Variants in PPFIBP2 observed in about 807,000 individuals in gnomAD.
PPFIBP2 encodes liprin-beta-2.
In PPFIBP2, 118 loss-of-function variants were observed where a neutral mutation model predicts 118.3. The ratio of observed to expected loss-of-function variants is 1.00; its 90% CI spans 0.86 to 1.16. The LOEUF (loss-of-function observed/expected upper bound fraction) is 1.16, where lower values mean the gene tolerates loss of function less well. Among genes scored for constraint, PPFIBP2 ranks in the 50% most tolerant of loss-of-function variants. The pLI, the probability that PPFIBP2 is intolerant of heterozygous loss-of-function variation, is 0.00. For synonymous variants in PPFIBP2, 414 were observed against 397.4 expected, an observed-to-expected ratio of 1.04 and a Z score of -0.50; for missense variants, 1,195 against 1,073.1, an observed-to-expected ratio of 1.11 and a Z score of -1.59.
chr11:7,557,412 G>A (rs7126276), intron 2 of PPFIBP2, among the ~76,000 whole-genome samples: 77,893 of 150,826 alleles, frequency 0.52, 21,862 homozygotes, highest in African/African-American at 0.75. Context: ...ATTTAGTTAC[G>A]TGTTTAAGCA....
rs1034469057 is a variant in PPFIBP2 at position 7,640,573 on chromosome 11, A to T, written c.1375+703A>T. Among the ~76,000 whole-genome samples, 3 of 152,190 alleles carry T rather than the reference A, an allele frequency of 2.0e-5. No individual in the cohort carries two copies. In the South Asian group the frequency reaches 6.2e-4, roughly 32 times the overall value. On this transcript the variant is annotated intron_variant, in intron 15 of 23. Coordinates refer to ENST00000299492, the MANE Select transcript of PPFIBP2 (RefSeq NM_003621.5). ...CCTCAGCTCTTCCCTGAGCTGGCCCATGCATTGGCCTAGTGAAGGCCAGCT... is the reference window on the plus strand; with the variant it reads ...CCTCAGCTCTTCCCTGAGCTGGCCCTTGCATTGGCCTAGTGAAGGCCAGCT...
chr11:7,585,656 C>T (rs563970590), intron 3 of PPFIBP2, among the ~76,000 whole-genome samples: 170 of 152,342 alleles, frequency 1.1e-3, no homozygotes, highest in Non-Finnish European at 2.1e-3. Context: ...TGGCATCAAG[C>T]ACTCACCCTG....
intron 2 of PPFIBP2, among the ~76,000 whole-genome samples, chr11:7,563,695 G>A (rs538702963): frequency 3.7e-4 from 56 of 152,278 alleles, no homozygotes; most frequent in Middle Eastern, 3.4e-3. Context: ...TATAAATAAT[G>A]CAAATGCCCT....
At position 7,649,153 on chromosome 11, in the gene PPFIBP2, TTGA is replaced by T; in HGVS notation, c.1921_1923del (p.Asp641del). ...GGGGTTTTTGTATTTGTAGGGTGGC[TTGA>T]TGATATTGGCTTACCCCAGTACAAA... On this transcript the variant is annotated inframe_deletion, in exon 20 of 24. Coordinates refer to ENST00000299492, the MANE Select transcript of PPFIBP2 (RefSeq NM_003621.5). 3.1e-6 allele frequency: 5 copies of T among 1,613,930 alleles called. No homozygotes were observed. Among genetic ancestry groups the T allele is most frequent in the East Asian group, 2.2e-5 (1 of 44,882 alleles).
intron 2 of PPFIBP2, among the ~76,000 whole-genome samples, chr11:7,550,898 C>T (rs1212896790): frequency 1.3e-5 from 2 of 152,132 alleles, no homozygotes; most frequent in East Asian, 1.9e-4. Context: ...ATGCTTCCTG[C>T]CCCCAAACAT....
At chr11:7,572,763 A>G (rs1855789792) in intron 3 of PPFIBP2, among the ~76,000 whole-genome samples, 1 of 151,840 alleles carries the variant, frequency 6.6e-6, no homozygotes, top group South Asian at 2.1e-4. Context: ...TGTTTCGAAG[A>G]ATGTTTTGTT....
At chr11:7,640,621 C>G (rs938360981) in intron 15 of PPFIBP2, among the ~76,000 whole-genome samples, 1 of 152,214 alleles carries the variant, frequency 6.6e-6, no homozygotes, top group African/African-American at 2.4e-5. Flanking sequence ...GCAGGAACTT[C>G]AGATAAACCC....
At chr11:7,612,650 C>T (rs1404978106) in intron 6 of PPFIBP2, among the ~76,000 whole-genome samples, 3 of 152,158 alleles carry the variant, frequency 2.0e-5, no homozygotes, top group Non-Finnish European at 4.4e-5. Context: ...CATAAGGCGA[C>T]GTAGACCCTG....
At chr11:7,663,072 A>G in the PPFIBP2 span, among the ~76,000 whole-genome samples, 1 of 131,644 alleles carries the variant, frequency 7.6e-6, no homozygotes, top group African/African-American at 2.5e-5. Flanking sequence ...AAAGTTTTCA[A>G]CTTCTTTGCC....
At position 7,549,494 on chromosome 11, in the gene PPFIBP2, C is replaced by A; in HGVS notation, c.19C>A (p.His7Asn). Residue 7 changes from histidine (H) to asparagine (N), a missense_variant, in exon 2 of 24, where the codon CAT becomes AAT. Physicochemically the swap from His to Asn is moderately conservative, Grantham distance 68 (BLOSUM62 1). Transcript: ENST00000299492. MASDAS[H>N]ALEAALEQMD... ...AGGAGTCATGGCTTCTGATGCTAGT[C>A]ATGCGCTGGAAGCTGCCCTGGAGCA... 1 of 1,562,716 alleles carries A rather than the reference C, an allele frequency of 6.4e-7. No homozygotes were observed. The highest frequency in any genetic ancestry group is 8.7e-7 in the Non-Finnish European group (1 of 1,153,240).
At chr11:7,537,104 G>A (rs765692271) in intron 1 of PPFIBP2, among the ~76,000 whole-genome samples, 5 of 152,126 alleles carry the variant, frequency 3.3e-5, no homozygotes, top group Non-Finnish European at 7.4e-5. Context: ...AAGAGTGGGT[G>A]GCTTCTAGGT....
chr11:7,547,579 C>T (rs576251049), intron 1 of PPFIBP2, among the ~76,000 whole-genome samples: 35 of 152,298 alleles, frequency 2.3e-4, no homozygotes, highest in African/African-American at 7.9e-4. Context: ...TTTATCCTGG[C>T]CAAAGCTGGC....
At chr11:7,578,312 T>A (rs1213281808) in intron 3 of PPFIBP2, among the ~76,000 whole-genome samples, 1 of 152,210 alleles carries the variant, frequency 6.6e-6, no homozygotes, top group Non-Finnish European at 1.5e-5. Context: ...AAGATAGGTA[T>A]GAATTTATTT....
chr11:7,567,258 A>G (rs1351624975), intron 3 of PPFIBP2, among the ~76,000 whole-genome samples: 1 of 152,232 alleles, frequency 6.6e-6, no homozygotes, highest in Non-Finnish European at 1.5e-5. Flanking sequence ...CATCAACAAT[A>G]TTTTTTAGCA....
At chr11:7,570,720 A>T (rs973321489) in intron 3 of PPFIBP2, among the ~76,000 whole-genome samples, 4 of 152,140 alleles carry the variant, frequency 2.6e-5, no homozygotes, top group Non-Finnish European at 5.9e-5. Context: ...GAGCAGGTGA[A>T]AGCAGATTGA....
At chr11:7,602,113 A>G (rs1846735186) in intron 5 of PPFIBP2, among the ~76,000 whole-genome samples, 1 of 147,298 alleles carries the variant, frequency 6.8e-6, no homozygotes, top group Admixed American at 6.8e-5. Flanking sequence ...AAAAAAAAAG[A>G]AGAGTCATTT....
intron 1 of PPFIBP2, among the ~76,000 whole-genome samples, chr11:7,536,234 G>A (rs576530347): frequency 2.6e-5 from 4 of 152,256 alleles, no homozygotes; most frequent in African/African-American, 7.2e-5. Context: ...ACCCTAGACC[G>A]CCTCTTAAGG....
At chr11:7,639,538 T>C (rs1027261250) in intron 14 of PPFIBP2, among the ~76,000 whole-genome samples, 194 bp from the exon 15 acceptor site, 1 of 152,216 alleles carries the variant, frequency 6.6e-6, no homozygotes, top group East Asian at 1.9e-4. Context: ...CTGTGTGGCC[T>C]TGGGAAAGTT....
intron 2 of PPFIBP2, among the ~76,000 whole-genome samples, chr11:7,560,214 A>T (rs1322664632): frequency 6.6e-6 from 1 of 152,234 alleles, no homozygotes; most frequent in South Asian, 2.1e-4. Flanking sequence ...TCCTGCCCAA[A>T]TAAAGGCCTG....
Sources: allele counts gnomAD v4.1 joint callset (sites outside exome capture counted in the v4.1 genomes callset), GRCh38; gene constraint gnomAD v4.1.1; transcripts MANE v1.5; gene names NCBI Gene and HGNC (gene_info 2026-07-23, HGNC 2026-07-21).